SLC8A1: variants seen among roughly 807,000 people sequenced by gnomAD.
SLC8A1 encodes the protein sodium/calcium exchanger 1.
SLC8A1 carries 18 observed loss-of-function variants against 68.3 expected under a neutral mutation model. The observed-to-expected ratio is 0.26, with a 90% CI of 0.18 to 0.39. The LOEUF (loss-of-function observed/expected upper bound fraction) is 0.39. SLC8A1 is among the 10% of genes least tolerant of loss of function. SLC8A1 has a pLI of 1.00. For missense variants in SLC8A1, 985 were observed against 1,156.7 expected, an observed-to-expected ratio of 0.85 and a Z score of 2.15; for synonymous variants, 475 against 415.5, an observed-to-expected ratio of 1.14 and a Z score of -1.74.
chr2:40,199,880 C>A (rs1287996790), intron 2 of SLC8A1, among the ~76,000 whole-genome samples: 1 of 151,330 alleles, frequency 6.6e-6, no homozygotes, highest in African/African-American at 2.4e-5. Context: ...TTGGCAAAGG[C>A]AAGACTCTCT....
At chr2:40,430,408 T>G (rs941519554) in intron 1 of SLC8A1, 104 bp from the exon 2 acceptor site, 1 of 1,245,456 alleles carries the variant, frequency 8.0e-7, no homozygotes, top group African/African-American at 1.5e-5. Context: ...TACCAAAATT[T>G]GTTTATATTT....
chr2:40,301,748 T>G (rs966495955), intron 2 of SLC8A1, among the ~76,000 whole-genome samples: 3 of 152,280 alleles, frequency 2.0e-5, no homozygotes, highest in Non-Finnish European at 4.4e-5. Context: ...CTTTTTTAAA[T>G]TTTTCATTTC....
chr2:40,249,109 G>C (rs2062332824), intron 2 of SLC8A1, among the ~76,000 whole-genome samples: 1 of 152,172 alleles, frequency 6.6e-6, no homozygotes, highest in Non-Finnish European at 1.5e-5. Context: ...AATGACGTTT[G>C]AAGTTCATCA....
At chr2:40,178,292 G>A (rs1350146051) in intron 2 of SLC8A1, 95 bp downstream of exon 3, 5 of 901,622 alleles carry the variant, frequency 5.5e-6, no homozygotes, top group Middle Eastern at 2.7e-4. Context: ...GGAGGGATGT[G>A]TGCATTGTAA....
At chr2:40,371,317 C>A (rs1677970055) in intron 2 of SLC8A1, among the ~76,000 whole-genome samples, 1 of 152,056 alleles carries the variant, frequency 6.6e-6, no homozygotes. Context: ...ATATACATTA[C>A]AGCTTCAGAA....
intron 2 of SLC8A1, among the ~76,000 whole-genome samples, chr2:40,292,861 A>T (rs989599191): frequency 3.3e-5 from 5 of 152,172 alleles, no homozygotes; most frequent in Non-Finnish European, 7.3e-5. Context: ...TAATAACAAC[A>T]TCTATTCCTT....
intron 2 of SLC8A1, among the ~76,000 whole-genome samples, chr2:40,370,926 G>C (rs1389788271): frequency 1.3e-5 from 2 of 151,990 alleles, no homozygotes; most frequent in African/African-American, 4.8e-5. Flanking sequence ...ATTTTATTTA[G>C]CATGACTTAG....
chr2:40,299,454 T>C (rs1438023647), intron 2 of SLC8A1, among the ~76,000 whole-genome samples: 1 of 152,186 alleles, frequency 6.6e-6, no homozygotes, highest in Non-Finnish European at 1.5e-5. Context: ...CATCTCCTAC[T>C]TGGATTATTT....
At chr2:40,242,261 TAAGTA>T (rs1224087045) in intron 2 of SLC8A1, among the ~76,000 whole-genome samples, 1 of 152,198 alleles carries the variant, frequency 6.6e-6, no homozygotes, top group Non-Finnish European at 1.5e-5. Context: ...CAAAGATGTT[TAAGTA>T]AAGCCTGTTT....
chr2:40,141,418 T>G lies in SLC8A1; in HGVS notation c.2162-1742A>C, dbSNP rs566763535. ...CTCTTTCATGAGCACATGGTTGGAATTATATGAATACACTTTGGGCGTCTG... is the reference window on the plus strand; with the variant it reads ...CTCTTTCATGAGCACATGGTTGGAAGTATATGAATACACTTTGGGCGTCTG... On this transcript the variant is annotated intron_variant, in intron 6 of 7. Coordinates refer to ENST00000406785, the Ensembl canonical transcript of SLC8A1. Among the ~76,000 whole-genome samples, 5 of 152,324 alleles carry G rather than the reference T, an allele frequency of 3.3e-5. No homozygotes were observed. The East Asian group carries it at 9.6e-4, about 29-fold the overall frequency.
intron 6 of SLC8A1, among the ~76,000 whole-genome samples, chr2:40,147,332 C>T (rs2042656201): frequency 6.6e-6 from 1 of 152,146 alleles, no homozygotes; most frequent in South Asian, 2.1e-4. Flanking sequence ...TATAAAATAA[C>T]TCCAAGTTAG....
At chr2:40,444,146 C>G (rs376494178) in intron 1 of SLC8A1, among the ~76,000 whole-genome samples, 1 of 152,010 alleles carries the variant, frequency 6.6e-6, no homozygotes, top group African/African-American at 2.4e-5. Flanking sequence ...CCAGTCTGGG[C>G]AACATAGCAA....
intron 2 of SLC8A1, among the ~76,000 whole-genome samples, chr2:40,243,283 G>A (rs570251387): frequency 6.6e-6 from 1 of 152,250 alleles, no homozygotes; most frequent in Admixed American, 6.5e-5. Context: ...AGGAGTTCAA[G>A]ACCAGCCTGG....
intron 2 of SLC8A1, among the ~76,000 whole-genome samples, chr2:40,349,216 T>C (rs1575598672): frequency 6.6e-6 from 1 of 152,142 alleles, no homozygotes; most frequent in Non-Finnish European, 1.5e-5. Context: ...CCATCAAATA[T>C]GTCAAGTCTG....
rs983657202 is a variant in SLC8A1, at chr2:40,386,886, C to A, written c.1808+41587G>T. 1.3e-4 allele frequency among the ~76,000 whole-genome samples: 20 copies of A among 151,258 alleles called. 1 individual carries two copies. The highest frequency in any genetic ancestry group is 4.7e-4 in the African/African-American group (19 of 40,712). On this transcript the variant is annotated intron_variant, in intron 2 of 7. Coordinates refer to ENST00000406785, the Ensembl canonical transcript of SLC8A1. Reference sequence around the variant, plus strand: ...TGACAACAAACTACCATTTTGTCTTCCTTGTCTATCTTCAGTATGTGGTGG... The same window carrying A: ...TGACAACAAACTACCATTTTGTCTTACTTGTCTATCTTCAGTATGTGGTGG...
At chr2:40,381,092 A>C (rs1020328006) in intron 2 of SLC8A1, among the ~76,000 whole-genome samples, 4 of 152,094 alleles carry the variant, frequency 2.6e-5, no homozygotes, top group Non-Finnish European at 5.9e-5. Flanking sequence ...AATTTCCACC[A>C]ACCAGGCAAG....
At chr2:40,279,941 C>T (rs2067273726) in intron 2 of SLC8A1, among the ~76,000 whole-genome samples, 1 of 152,160 alleles carries the variant, frequency 6.6e-6, no homozygotes, top group African/African-American at 2.4e-5. Flanking sequence ...TGTTCCCTGC[C>T]TCTTTTCCAT....
At chr2:40,258,155 A>G (rs367663480) in intron 2 of SLC8A1, among the ~76,000 whole-genome samples, 4 of 152,302 alleles carry the variant, frequency 2.6e-5, no homozygotes, top group Admixed American at 6.5e-5. Flanking sequence ...AAAAATCTCT[A>G]AACAGTGACA....
chr2:40,221,593 T>C (rs2148842675), intron 2 of SLC8A1, among the ~76,000 whole-genome samples: 2 of 152,314 alleles, frequency 1.3e-5, no homozygotes, highest in South Asian at 4.1e-4. Flanking sequence ...AGTCAATTTG[T>C]CTCTGTTTGC....
Sources: gnomAD v4.1 joint callset for allele counts (sites outside exome capture counted in the v4.1 genomes callset) on GRCh38, gnomAD v4.1.1 for gene constraint, MANE v1.5 for transcripts, NCBI Gene and HGNC (gene_info 2026-07-23, HGNC 2026-07-21) for gene names.